The following OPN4 variants were observed in gnomAD, a reference collection of about 807,000 sequenced individuals.
OPN4 encodes the protein opsin 4, also known as melanopsin.
In OPN4, 43 loss-of-function variants were observed where a neutral mutation model predicts 49.5. That is an observed-to-expected ratio of 0.87 (90% CI 0.68 to 1.12). The LOEUF is 1.12. Ranked by LOEUF, OPN4 falls within the 50% of genes most tolerant of loss-of-function variation. The pLI is 0.00. For synonymous variants in OPN4, 263 were observed against 258.0 expected (o/e 1.02, Z -0.19); for missense variants, 657 against 643.9 (o/e 1.02, Z -0.22).
intron 3 of OPN4, 80 bp from the exon 4 acceptor site, chr10:86,658,404 G>T: frequency 6.8e-7 from 1 of 1,480,822 alleles, no homozygotes. Flanking sequence ...TGCTCTTCCT[G>T]TGAGGTGAAG....
rs143437081 is a variant in OPN4 at position 86,663,727 on chromosome 10, C to A, written c.1323C>A (p.Tyr441Ter). Residue 441 changes from tyrosine to a stop codon, truncating the protein, a stop_gained, in exon 9 of 10, where the codon TAC (tyrosine) becomes TAA (stop). Coordinates refer to ENST00000241891, the MANE Select transcript of OPN4 (RefSeq NM_033282.4). LOFTEE classifies it high-confidence loss of function. ...AGCAAGCAAATGGGCGGTCCCTCTA[C>A]GGTCAGGGTCTGGAGGACTTGGAAG... ...AAQQANGRSL[Y>*]GQGLEDLEAK... 7 of 1,579,472 alleles carry A rather than the reference C, an allele frequency of 4.4e-6. No homozygotes were observed. Among genetic ancestry groups the A allele is most frequent in the Non-Finnish European group, 6.0e-6 (7 of 1,163,168 alleles).
At chr10:86,660,776 T>G (rs920604709) in intron 6 of OPN4, among the ~76,000 whole-genome samples, 15 of 152,292 alleles carry the variant, frequency 9.8e-5, no homozygotes, top group Admixed American at 6.5e-4. Context: ...CACATCTTCC[T>G]TCCAGAGCTG....
At chr10:86,657,818 A>C (rs1216912017) in intron 2 of OPN4, among the ~76,000 whole-genome samples, 1 of 152,142 alleles carries the variant, frequency 6.6e-6, no homozygotes, top group East Asian at 1.9e-4. Context: ...CACTCAGCAG[A>C]CACTGCTGGG....
At chr10:86,656,979 G>A (rs1433894252) in intron 2 of OPN4, among the ~76,000 whole-genome samples, 3 of 150,278 alleles carry the variant, frequency 2.0e-5, no homozygotes, top group Non-Finnish European at 3.0e-5. Context: ...GCAGCCCTGG[G>A]GACCAGCATC....
In OPN4 at chr10:86,661,488, A is replaced by C. The variant is rs937402459; in HGVS notation, c.1073+100A>C. On this transcript the variant is annotated intron_variant, in intron 7 of 9. Transcript: ENST00000241891. ...CTTTCTGTCTCTCGTGTGTGTGTAG[A>C]ATGGGGGCCACCAGCAGCTGGGAGC... 4 of 839,184 alleles carry C rather than the reference A, an allele frequency of 4.8e-6. No individual in the cohort carries two copies. The African/African-American group carries it at 6.9e-5, about 14-fold the overall frequency. 52.0% of individuals were successfully genotyped at this position (839,184 alleles called of 1,614,324 possible).
chr10:86,664,781 C>T (rs1182683489), intron 9 of OPN4, among the ~76,000 whole-genome samples: 1 of 152,226 alleles, frequency 6.6e-6, no homozygotes, highest in Non-Finnish European at 1.5e-5. Context: ...GGAGCCCAGG[C>T]ACTGTGCATG....
At chr10:86,659,490 G>T (rs751156688) in intron 5 of OPN4, 22 bp downstream of exon 5, 3 of 1,611,494 alleles carry the variant, frequency 1.9e-6, no homozygotes, top group South Asian at 2.2e-5. Context: ...GCATGGAGGG[G>T]GGCTACAGGA....
intron 1 of OPN4, among the ~76,000 whole-genome samples, chr10:86,655,717 G>T: frequency 6.6e-6 from 1 of 152,196 alleles, no homozygotes; most frequent in East Asian, 1.9e-4. Flanking sequence ...TCTTGAGAGG[G>T]GCTCCACCCG....
intron 6 of OPN4, 30 bp downstream of exon 6, chr10:86,660,089 G>A (rs1843968410): frequency 6.2e-7 from 1 of 1,611,202 alleles, no homozygotes; most frequent in Non-Finnish European, 8.5e-7. Flanking sequence ...TTGGGGAAGA[G>A]GCTGAAGGTG....
In OPN4 at chr10:86,661,131, T is replaced by A. The variant is rs1843994249; in HGVS notation, c.966-150T>A. 1.7e-5 allele frequency: 11 copies of A among 639,010 alleles called. No homozygotes were observed. In the South Asian group the frequency reaches 2.0e-4, roughly 12 times the overall value. The allele number at this position is 639,010 out of a possible 1,614,324, so 39.6% of individuals were successfully genotyped here. A position where few individuals can be genotyped will look rare whatever the true frequency, so the allele number is the denominator to read the frequency against. On this transcript the variant is annotated intron_variant, in intron 6 of 9. Coordinates refer to ENST00000241891, the MANE Select transcript of OPN4 (RefSeq NM_033282.4). ...CGACAGAGCAAAAAAAAAAAAATTA[T>A]CCTGGCACTGCCAATTCCTCCCTAT...
Position 86,658,095 on chromosome 10 carries a change from C to G in OPN4, c.354C>G (p.Leu118=). 6.2e-7 allele frequency: 1 copy of G among 1,614,112 alleles called. No homozygotes were observed. Among genetic ancestry groups the G allele is most frequent in the South Asian group, 1.1e-5 (1 of 91,066 alleles). ...TCAACCTCGCGGTCAGCGACTTCCTCATGTCCTTCACCCAGGCCCCTGTCT... is the reference window on the plus strand; with the variant it reads ...TCAACCTCGCGGTCAGCGACTTCCTGATGTCCTTCACCCAGGCCCCTGTCT... ...FIINLAVSDF[L]MSFTQAPVFF... Residue 118 remains leucine (L), a synonymous_variant, in exon 3 of 10, where the codon CTC becomes CTG. Coordinates refer to ENST00000241891, the MANE Select transcript of OPN4 (RefSeq NM_033282.4).
chr10:86,659,879 G>C lies in OPN4; in HGVS notation c.801-16G>C. Reference sequence around the variant, plus strand: ...CACCCGACTAGGGTCAGACCTGGACGATGCGTCCTTCCTAGGGCTCTCCAG... The same window carrying C: ...CACCCGACTAGGGTCAGACCTGGACCATGCGTCCTTCCTAGGGCTCTCCAG... On this transcript the variant is annotated splice_polypyrimidine_tract_variant and intron_variant, in intron 5 of 9. Transcript: ENST00000241891. 6.2e-7 allele frequency: 1 copy of C among 1,613,728 alleles called. No individual in the cohort carries two copies. The highest frequency in any genetic ancestry group is 8.5e-7 in the Non-Finnish European group (1 of 1,179,822).
chr10:86,659,166 C>A, intron 4 of OPN4, 131 bp from the exon 5 acceptor site: 1 of 677,388 alleles, frequency 1.5e-6, no homozygotes, highest in Non-Finnish European at 2.5e-6. Context: ...AGCTTCCTCA[C>A]TGCATGGGAC....
chr10:86,654,962 T>C (rs1296558737), intron 1 of OPN4, 35 bp downstream of exon 1: 1 of 1,597,394 alleles, frequency 6.3e-7, no homozygotes, highest in Non-Finnish European at 8.6e-7. Context: ...GCACAGAGCC[T>C]TCCCTGACCC....
At position 86,658,090 on chromosome 10, in the gene OPN4, T is replaced by G; in HGVS notation, c.349T>G (p.Phe117Val). The G allele has an allele frequency of 6.2e-7, 1 of 1,613,978 alleles. No homozygotes were observed. The highest frequency in any genetic ancestry group is 2.2e-5 in the East Asian group (1 of 44,884). The change falls in exon 3 of 10, where the codon TTC becomes GTC. Residue 117 changes from phenylalanine to valine, a missense_variant. By Grantham distance (50) the Phe-to-Val change is conservative. Transcript: ENST00000241891. ...CATTATCAACCTCGCGGTCAGCGAC[T>G]TCCTCATGTCCTTCACCCAGGCCCC... ...MFIINLAVSD[F>V]LMSFTQAPVF...
At chr10:86,656,540 C>A (rs1486042312) in intron 2 of OPN4, among the ~76,000 whole-genome samples, 1 of 152,118 alleles carries the variant, frequency 6.6e-6, no homozygotes, top group African/African-American at 2.4e-5. Flanking sequence ...CCAGGTGCAT[C>A]CTCTGTGGAG....
chr10:86,662,013 G>C (rs930842382), intron 7 of OPN4, among the ~76,000 whole-genome samples: 4 of 152,044 alleles, frequency 2.6e-5, no homozygotes, highest in African/African-American at 9.7e-5. Context: ...CTCCCTGCAT[G>C]CCTACCACCC....
Position 86,659,344 on chromosome 10 carries a change from A to C in OPN4, c.676A>C (p.Met226Leu), listed in dbSNP as rs768478287. Residue 226 changes from methionine (M) to leucine (L), a missense_variant, in exon 5 of 10, where the codon ATG (methionine) becomes CTG (leucine). Met to Leu is a conservative substitution (Grantham distance 15, BLOSUM62 2). Coordinates refer to ENST00000241891, the MANE Select transcript of OPN4 (RefSeq NM_033282.4). Reference protein sequence around the residue: ...GLLTSCSWDYMSFTPAVRAYT... With the variant: ...GLLTSCSWDYLSFTPAVRAYT... ...GCTGACATCCTGCTCCTGGGACTAC[A>C]TGAGCTTCACGCCGGCCGTGCGTGC... The C allele has an allele frequency of 5.0e-6, 8 of 1,613,700 alleles. No individual in the cohort carries two copies. Among genetic ancestry groups the C allele is most frequent in the Non-Finnish European group, 8.5e-7 (1 of 1,180,026 alleles).
intron 2 of OPN4, chr10:86,657,152 G>T: frequency 1.3e-6 from 1 of 779,274 alleles, no homozygotes; most frequent in Non-Finnish European, 2.4e-6. Flanking sequence ...GACTGGGCAC[G>T]TCATTTCTCC....
Sources: gnomAD v4.1 joint callset for allele counts (sites outside exome capture counted in the v4.1 genomes callset) on GRCh38, gnomAD v4.1.1 for gene constraint, MANE v1.5 for transcripts, NCBI Gene and HGNC (gene_info 2026-07-23, HGNC 2026-07-21) for gene names.